C1QB: variants seen among roughly 807,000 people sequenced by gnomAD.
C1QB encodes the protein complement C1q subcomponent subunit B.
Under a neutral mutation model 4.6 loss-of-function variants are expected in C1QB, and 2 were observed. That is an observed-to-expected ratio of 0.43 (90% CI 0.18 to 1.36). C1QB has a LOEUF of 1.36. Among genes scored for constraint, C1QB ranks in the 40% most tolerant of loss-of-function variants. C1QB has a pLI of 0.28. For missense variants in C1QB, 292 were observed against 338.0 expected, an observed-to-expected ratio of 0.86 and a Z score of 1.07; for synonymous variants, 132 against 137.1, an observed-to-expected ratio of 0.96 and a Z score of 0.26.
At chr1:22,655,937 A>G (rs1408256172) in intron 1 of C1QB, among the ~76,000 whole-genome samples, 1 of 152,224 alleles carries the variant, frequency 6.6e-6, no homozygotes, top group Non-Finnish European at 1.5e-5. Flanking sequence ...CAAAGGTGGA[A>G]TGGGCTGCCT....
chr1:22,657,960 C>T (rs569089101), intron 1 of C1QB, among the ~76,000 whole-genome samples: 3 of 152,264 alleles, frequency 2.0e-5, no homozygotes, highest in Admixed American at 2.0e-4. Context: ...GCAGAAACAG[C>T]CTGGTATGCT....
chr1:22,661,413 G>C lies in C1QB; in HGVS notation c.*27G>C, dbSNP rs770367483. 1.2e-6 allele frequency: 2 copies of C among 1,612,646 alleles called. No individual in the cohort carries two copies. Among genetic ancestry groups the C allele is most frequent in the Non-Finnish European group, 1.7e-6 (2 of 1,179,536 alleles). ...CTGTGGGCTGCTTCACATCCACCCC[G>C]GCTCCCCCTGCCAGCAACGCTCACT... is the stretch of plus-strand genomic sequence containing the variant. On this transcript the variant is annotated 3_prime_UTR_variant, in exon 3 of 3. Transcript: ENST00000509305.
intron 1 of C1QB, among the ~76,000 whole-genome samples, chr1:22,655,924 G>T (rs1454124155): frequency 1.3e-5 from 2 of 152,188 alleles, no homozygotes; most frequent in Non-Finnish European, 2.9e-5. Flanking sequence ...ATTTGGATCT[G>T]GGCAAAGGTG....
intron 2 of C1QB, 106 bp from the exon 3 acceptor site, chr1:22,660,706 T>C: frequency 8.7e-7 from 1 of 1,148,446 alleles, no homozygotes; most frequent in Non-Finnish European, 1.3e-6. Flanking sequence ...GTTTTACAGA[T>C]GGGAGACTGA....
chr1:22,655,810 G>T (rs1278386142), intron 1 of C1QB, among the ~76,000 whole-genome samples: 1 of 152,152 alleles, frequency 6.6e-6, no homozygotes, highest in Admixed American at 6.5e-5. Context: ...AGTAGGCAGA[G>T]ACCACTCTGC....
rs10580 is a variant in C1QB, at chr1:22,661,465, A to G, written c.*79A>G. Reference sequence around the variant, plus strand: ...TACCCCCAACACCACCCCTTGCCCAACCAATGCACACAGTAGGGCTTGGTG... The same window carrying G: ...TACCCCCAACACCACCCCTTGCCCAGCCAATGCACACAGTAGGGCTTGGTG... On this transcript the variant is annotated 3_prime_UTR_variant, in exon 3 of 3. Transcript: ENST00000509305. 0.98 allele frequency: 1,505,550 copies of G among 1,537,824 alleles called. 737,011 individuals are homozygous for G. The highest frequency in any genetic ancestry group is 1 in the East Asian group (44,294 of 44,296).
intron 1 of C1QB, among the ~76,000 whole-genome samples, chr1:22,657,911 C>T (rs1420528005): frequency 6.6e-6 from 1 of 152,156 alleles, no homozygotes; most frequent in African/African-American, 2.4e-5. Flanking sequence ...GCCATCACTG[C>T]CCTCTTGCCA....
At position 22,660,239 on chromosome 1, in the gene C1QB, C is replaced by T. The variant is rs549929524; in HGVS notation, c.182-573C>T. On this transcript the variant is annotated intron_variant, in intron 2 of 2. Transcript: ENST00000509305. Reference sequence around the variant, plus strand: ...AGGAGGCTGTCCTCAGGAAATGTGACTCAGTCAAGGTGACACCACTACTAA... The same window carrying T: ...AGGAGGCTGTCCTCAGGAAATGTGATTCAGTCAAGGTGACACCACTACTAA... Among the ~76,000 whole-genome samples, 518 of 152,278 alleles carry T rather than the reference C, an allele frequency of 3.4e-3. 5 individuals carry two copies. The highest frequency in any genetic ancestry group is 0.012 in the African/African-American group (480 of 41,552).
intron 1 of C1QB, among the ~76,000 whole-genome samples, chr1:22,654,426 C>G (rs754339613): frequency 2.0e-5 from 3 of 152,190 alleles, no homozygotes; most frequent in Non-Finnish European, 4.4e-5. Context: ...CTCCAACTGA[C>G]AGAGCCCCTC....
intron 1 of C1QB, among the ~76,000 whole-genome samples, chr1:22,655,848 C>T (rs1272740135): frequency 6.6e-6 from 1 of 152,170 alleles, no homozygotes; most frequent in Non-Finnish European, 1.5e-5. Context: ...GGATACAGTT[C>T]AGCCTCTGAG....
At chr1:22,658,654 G>A (rs1642563622) in intron 1 of C1QB, among the ~76,000 whole-genome samples, 1 of 152,264 alleles carries the variant, frequency 6.6e-6, no homozygotes, top group Non-Finnish European at 1.5e-5. Flanking sequence ...ACAGAGTCTG[G>A]TAGATAGGGG....
At chr1:22,660,473 T>C (rs1426504847) in intron 2 of C1QB, among the ~76,000 whole-genome samples, 1 of 152,154 alleles carries the variant, frequency 6.6e-6, no homozygotes, top group Non-Finnish European at 1.5e-5. Context: ...TAGGGATGTC[T>C]GCCAGGGGTG....
At chr1:22,657,866 C>G (rs1460231341) in intron 1 of C1QB, among the ~76,000 whole-genome samples, 2 of 152,198 alleles carry the variant, frequency 1.3e-5, no homozygotes, top group African/African-American at 4.8e-5. Context: ...AGACAGCCCA[C>G]CGGCTTCTTC....
chr1:22,655,994 T>A (rs914838215), intron 1 of C1QB, among the ~76,000 whole-genome samples: 1 of 152,176 alleles, frequency 6.6e-6, no homozygotes, highest in Non-Finnish European at 1.5e-5. Context: ...AAACTATGGA[T>A]GGAAGAGCCC....
intron 1 of C1QB, among the ~76,000 whole-genome samples, chr1:22,655,239 T>G (rs1039980460): frequency 9.2e-5 from 14 of 152,220 alleles, no homozygotes; most frequent in Non-Finnish European, 1.9e-4. Context: ...TGATGCTTAT[T>G]CATGGATAAG....
At position 22,661,541 on chromosome 1, in the gene C1QB, G is replaced by A. The variant is rs1362333305; in HGVS notation, c.*155G>A. On this transcript the variant is annotated 3_prime_UTR_variant, in exon 3 of 3. Transcript: ENST00000509305. Reference sequence around the variant, plus strand: ...AAACTCTTCAAGGCCAAGGGACAGTGGTCTAATTCAACTCTGTGTCCCAGC... The same window carrying A: ...AAACTCTTCAAGGCCAAGGGACAGTAGTCTAATTCAACTCTGTGTCCCAGC... 2 of 841,664 alleles carry A rather than the reference G, an allele frequency of 2.4e-6. No individual in the cohort carries two copies. The highest frequency in any genetic ancestry group is 3.8e-6 in the Non-Finnish European group (2 of 525,908). The allele number at this position is 841,664 out of a possible 1,614,324, so 52.1% of individuals were successfully genotyped here.
intron 1 of C1QB, among the ~76,000 whole-genome samples, chr1:22,658,792 A>T (rs1642565861): frequency 2.6e-5 from 4 of 151,166 alleles, no homozygotes; most frequent in Non-Finnish European, 5.9e-5. Context: ...GGGCAGAAGG[A>T]TGGATGGATG....
At chr1:22,655,834 G>A (rs1178759543) in intron 1 of C1QB, among the ~76,000 whole-genome samples, 2 of 152,304 alleles carry the variant, frequency 1.3e-5, no homozygotes, top group Middle Eastern at 3.4e-3. Flanking sequence ...CCCATTTTAA[G>A]AGAGGATACA....
intron 1 of C1QB, among the ~76,000 whole-genome samples, chr1:22,655,363 C>T (rs1033631918): frequency 6.6e-6 from 1 of 152,190 alleles, no homozygotes; most frequent in Non-Finnish European, 1.5e-5. Context: ...TTCCTTGGTG[C>T]ACAGTGTCTG....
Sources: gnomAD v4.1 joint callset for allele counts (sites outside exome capture counted in the v4.1 genomes callset) on GRCh38, gnomAD v4.1.1 for gene constraint, MANE v1.5 for transcripts, NCBI Gene and HGNC (gene_info 2026-07-23, HGNC 2026-07-21) for gene names.